ACAD10: variants seen among roughly 807,000 people sequenced by gnomAD.
The protein encoded by ACAD10 is acyl-CoA dehydrogenase family member 10.
A neutral mutation model predicts 116.8 loss-of-function variants in ACAD10; 112 were observed. That is an observed-to-expected ratio of 0.96 (90% CI 0.82 to 1.12). The LOEUF (loss-of-function observed/expected upper bound fraction) is 1.12. ACAD10 is among the 50% of genes most tolerant of loss of function. The probability of loss-of-function intolerance (pLI) is 0.00; values close to 1 mark genes in which losing one functional copy is unlikely to be tolerated. For synonymous variants in ACAD10, 486 were observed against 510.6 expected (o/e 0.95, Z 0.65); for missense variants, 1,259 against 1,350.2 (o/e 0.93, Z 1.06).
In ACAD10 at chr12:111,729,886, A is replaced by T. The variant is rs1165951045; in HGVS notation, c.1324A>T (p.Arg442Trp). ...SETSTIPAME[R>W]LIEWLPLHLP... ...AACTAGCACCATCCCAGCCATGGAG[A>T]GGCTGATCGAATGGCTGCCCCTCCA... Residue 442 changes from arginine (R) to tryptophan (W), a missense_variant, in exon 10 of 21, where the codon AGG becomes TGG. Coordinates refer to ENST00000313698, the MANE Select transcript of ACAD10 (RefSeq NM_025247.6). 2 of 1,613,952 alleles carry T rather than the reference A, an allele frequency of 1.2e-6. No homozygotes were observed. Among genetic ancestry groups the T allele is most frequent in the Non-Finnish European group, 1.7e-6 (2 of 1,180,022 alleles).
intron 11 of ACAD10, among the ~76,000 whole-genome samples, chr12:111,734,889 G>A (rs1034582167): frequency 5.9e-5 from 9 of 152,040 alleles, no homozygotes; most frequent in South Asian, 2.1e-4. Context: ...TTCTTCTATA[G>A]CATAATTTTT....
At chr12:111,712,252 G>A (rs989840057) in intron 5 of ACAD10, among the ~76,000 whole-genome samples, 3 of 152,132 alleles carry the variant, frequency 2.0e-5, no homozygotes, top group African/African-American at 7.2e-5. Flanking sequence ...TTAAATTTAT[G>A]TTCAAGTGCT....
intron 5 of ACAD10, chr12:111,710,090 CT>C (rs762530458): frequency 0.077 from 19,357 of 252,948 alleles, no homozygotes; most frequent in South Asian, 0.15. Flanking sequence ...TTTTTCTATT[CT>C]TTTTTTTTTT....
chr12:111,708,526 C>T (rs538819287), intron 4 of ACAD10, among the ~76,000 whole-genome samples: 1 of 151,962 alleles, frequency 6.6e-6, no homozygotes, highest in Admixed American at 6.6e-5. Flanking sequence ...TAGAAAGGTC[C>T]AGTTTATTCC....
At chr12:111,740,063 G>T (rs1889686082) in intron 12 of ACAD10, among the ~76,000 whole-genome samples, 1 of 152,174 alleles carries the variant, frequency 6.6e-6, no homozygotes, top group Non-Finnish European at 1.5e-5. Context: ...AGTGGGGATG[G>T]CAGGGAATGA....
In ACAD10 at chr12:111,756,871, T is replaced by C. The variant is rs781183100; in HGVS notation, c.*398T>C. On this transcript the variant is annotated 3_prime_UTR_variant, in exon 21 of 21. Transcript: ENST00000313698. Reference sequence around the variant, plus strand: ...TGTGGGACGTGCTTGCTCTGGCAGCTGCAGGGTTCCTGTCTGGCCTCCCTG... The same window carrying C: ...TGTGGGACGTGCTTGCTCTGGCAGCCGCAGGGTTCCTGTCTGGCCTCCCTG... 53 of 460,888 alleles carry C rather than the reference T, an allele frequency of 1.1e-4. No individual in the cohort carries two copies. Among genetic ancestry groups the C allele is most frequent in the Admixed American group, 4.7e-4 (20 of 42,666 alleles). The allele number at this position is 460,888 out of a possible 1,614,324, so 28.5% of individuals were successfully genotyped here.
In ACAD10 at chr12:111,734,412, G is replaced by A. The variant is rs907786454; in HGVS notation, c.1540+344G>A. On this transcript the variant is annotated intron_variant, in intron 11 of 20. Coordinates refer to ENST00000313698, the MANE Select transcript of ACAD10 (RefSeq NM_025247.6). ...GGAGGCCAAGGCGGGTGGATCACAA[G>A]GTCAGGAGTTCCAGACCAGCCTGGC... 2.0e-5 allele frequency among the ~76,000 whole-genome samples: 3 copies of A among 152,190 alleles called. No individual in the cohort carries two copies. In the South Asian group the frequency reaches 6.2e-4, roughly 32 times the overall value.
chr12:111,748,501 C>G, intron 17 of ACAD10, 26 bp downstream of exon 17: 1 of 1,611,508 alleles, frequency 6.2e-7, no homozygotes, highest in Non-Finnish European at 8.5e-7. Flanking sequence ...GCGGGTCACC[C>G]CTGGGTGTGG....
intron 12 of ACAD10, among the ~76,000 whole-genome samples, chr12:111,740,809 A>G (rs762300881): frequency 8.6e-5 from 13 of 151,482 alleles, no homozygotes; most frequent in Admixed American, 2.6e-4. Flanking sequence ...AAAAGAAAAG[A>G]AAAAGAAATT....
At chr12:111,687,696 C>A (rs1177501195) in intron 1 of ACAD10, among the ~76,000 whole-genome samples, 1 of 152,138 alleles carries the variant, frequency 6.6e-6, no homozygotes, top group African/African-American at 2.4e-5. Flanking sequence ...GCAATGGTCA[C>A]AACAACTTTA....
Position 111,749,324 on chromosome 12 carries a change from C to T in ACAD10, c.2796C>T (p.Ala932=), listed in dbSNP as rs928411404. 2.5e-6 allele frequency: 4 copies of T among 1,613,040 alleles called. No homozygotes were observed. Among genetic ancestry groups the T allele is most frequent in the Non-Finnish European group, 3.4e-6 (4 of 1,179,640 alleles). The change falls in exon 18 of 21, where the codon GCC becomes GCT. Residue 932 remains alanine, a synonymous_variant. Coordinates refer to ENST00000313698, the MANE Select transcript of ACAD10 (RefSeq NM_025247.6). ...CMRLIGFSER[A]LALMKARVKS... ...GGCTGATCGGGTTCTCAGAGAGGGC[C>T]CTGGCACTCATGAAGGCCCGCGTGA...
At chr12:111,712,025 T>A (rs1888699505) in intron 5 of ACAD10, among the ~76,000 whole-genome samples, 1 of 152,234 alleles carries the variant, frequency 6.6e-6, no homozygotes, top group Non-Finnish European at 1.5e-5. Context: ...TGTTTTCCTC[T>A]ACCTTTGCCT....
intron 7 of ACAD10, among the ~76,000 whole-genome samples, chr12:111,721,240 T>C (rs540574655): frequency 6.6e-6 from 1 of 152,280 alleles, no homozygotes; most frequent in East Asian, 1.9e-4. Flanking sequence ...TTTTTAGAAT[T>C]TCATTTTAAT....
chr12:111,737,465 G>T (rs560773186), intron 12 of ACAD10, among the ~76,000 whole-genome samples: 3 of 152,180 alleles, frequency 2.0e-5, no homozygotes, highest in Non-Finnish European at 4.4e-5. Flanking sequence ...GGGATTACAG[G>T]TGTGAGCCAC....
At chr12:111,717,959 C>T (rs1243086100) in intron 7 of ACAD10, among the ~76,000 whole-genome samples, 1 of 149,896 alleles carries the variant, frequency 6.7e-6, no homozygotes, top group Non-Finnish European at 1.5e-5. Flanking sequence ...CTGTTCATAT[C>T]ACCTAAGCTG....
At chr12:111,721,608 T>C in intron 7 of ACAD10, 63 bp from the exon 8 acceptor site, 1 of 1,414,488 alleles carries the variant, frequency 7.1e-7, no homozygotes. Flanking sequence ...CAAAGAAAAG[T>C]AACTTCAAGA....
In ACAD10 at chr12:111,757,061, T is replaced by C. The variant is rs2068091221; in HGVS notation, c.*588T>C. 2 of 358,132 alleles carry C rather than the reference T, an allele frequency of 5.6e-6. No homozygotes were observed. Among genetic ancestry groups the C allele is most frequent in the Non-Finnish European group, 1.1e-5 (2 of 179,482 alleles). The allele number at this position is 358,132 out of a possible 1,614,324, so 22.2% of individuals were successfully genotyped here. The stretch of plus-strand genomic sequence containing the variant: ...TTAAATGTTATTTTGGAAAGGGGTT[T>C]TGGGGACACAGAAGAATAAGTAAAC... On this transcript the variant is annotated 3_prime_UTR_variant, in exon 21 of 21. Coordinates refer to ENST00000313698, the MANE Select transcript of ACAD10 (RefSeq NM_025247.6).
chr12:111,744,765 C>A lies in ACAD10; in HGVS notation c.1837C>A (p.Pro613Thr), dbSNP rs892604410. 4 of 1,614,118 alleles carry A rather than the reference C, an allele frequency of 2.5e-6. No individual in the cohort carries two copies. In the East Asian group the frequency reaches 8.9e-5, roughly 36 times the overall value. ...TTTCAAAGAGATGCCCTTCACAAAT[C>A]CGTTAACAAGGTCCTACCACACGTG... ...RVFKEMPFTNPLTRSYHTWAR... is the reference protein window; with the variant it reads ...RVFKEMPFTNTLTRSYHTWAR... Residue 613 changes from proline (P) to threonine (T), a missense_variant, in exon 13 of 21, where the codon CCG becomes ACG. Coordinates refer to ENST00000313698, the MANE Select transcript of ACAD10 (RefSeq NM_025247.6).
chr12:111,736,736 A>G, intron 11 of ACAD10, 95 bp from the exon 12 acceptor site: 1 of 1,327,070 alleles, frequency 7.5e-7, no homozygotes, highest in Non-Finnish European at 1.0e-6. Flanking sequence ...ACTAATTTGC[A>G]AGGGACATGG....
Sources: gnomAD v4.1 joint callset for allele counts (sites outside exome capture counted in the v4.1 genomes callset) on GRCh38, gnomAD v4.1.1 for gene constraint, MANE v1.5 for transcripts, NCBI Gene and HGNC (gene_info 2026-07-23, HGNC 2026-07-21) for gene names.